FCRL3: variants seen among roughly 807,000 people sequenced by gnomAD.
FCRL3 encodes Fc receptor like 3.
Under a neutral mutation model 75.0 loss-of-function variants are expected in FCRL3, and 89 were observed. The ratio of observed to expected loss-of-function variants is 1.19; its 90% CI spans 1.00 to 1.42. The LOEUF (loss-of-function observed/expected upper bound fraction) is 1.42, where lower values mean the gene tolerates loss of function less well. Ranked by LOEUF, FCRL3 falls within the 40% of genes most tolerant of loss-of-function variation. The pLI is 0.00. For synonymous variants in FCRL3, 376 were observed against 348.5 expected, an observed-to-expected ratio of 1.08 and a Z score of -0.88; for missense variants, 946 against 880.0, an observed-to-expected ratio of 1.07 and a Z score of -0.95.
chr1:157,695,491 A>G lies in FCRL3; in HGVS notation c.1249T>C (p.Phe417Leu). Residue 417 changes from phenylalanine to leucine, a missense_variant, in exon 8 of 15, where the codon TTT (phenylalanine) becomes CTT (leucine). Transcript: ENST00000368184. Reference sequence around the variant, plus strand: ...CCCAGGGTGACATCCTCATGATAAAATCGGTACAGGATCGGGGGAGAGCCT... The same window carrying G: ...CCCAGGGTGACATCCTCATGATAAAGTCGGTACAGGATCGGGGGAGAGCCT... ...LRGSPPILYR[F>L]YHEDVTLGNS... 6 of 1,614,150 alleles carry G rather than the reference A, an allele frequency of 3.7e-6. No individual in the cohort carries two copies. Among genetic ancestry groups the G allele is most frequent in the Non-Finnish European group, 5.1e-6 (6 of 1,179,994 alleles).
rs1287176294 is a variant in FCRL3 at position 157,681,074 on chromosome 1, G to C, written c.1864C>G (p.Pro622Ala). ...ATCCTGGAAGGCCTGGACGAGGAAG[G>C]CTCCTGACACTCACTAGGACTGTGA... ...SSHSPSECQE[P>A]SSSRPSRIDP... Residue 622 changes from proline (P) to alanine (A), a missense_variant, in exon 12 of 15, where the codon CCT (proline) becomes GCT (alanine). Coordinates refer to ENST00000368184, the MANE Select transcript of FCRL3 (RefSeq NM_052939.4). 1.9e-5 allele frequency: 30 copies of C among 1,599,436 alleles called. No homozygotes were observed. Among genetic ancestry groups the C allele is most frequent in the Non-Finnish European group, 2.5e-5 (29 of 1,175,282 alleles).
In FCRL3 at chr1:157,690,262, A is replaced by G. The variant is rs768603980; in HGVS notation, c.1683T>C (p.Asn561=). The change falls in exon 9 of 15, where the codon AAT becomes AAC. Residue 561 remains asparagine (N), a synonymous_variant. Transcript: ENST00000368184. ...CAGGTACTATTAACACACCTGTAAC[A>G]TTGAGTGTCACCACTTTACTGTGCT... ...GAQHSKVVTL[N]VTGTSRNRTG... is the part of the protein sequence containing the mutation. 2 of 1,614,204 alleles carry G rather than the reference A, an allele frequency of 1.2e-6. No homozygotes were observed. The highest frequency in any genetic ancestry group is 1.7e-6 in the Non-Finnish European group (2 of 1,180,020).
rs1656255680 is a variant in FCRL3 at position 157,700,564 on chromosome 1, G to A, written c.-75C>T. The stretch of plus-strand genomic sequence containing the variant: ...GACTTATCTCCAAGAAGGAGGGCAG[G>A]AAGCTGCTACTCAGATGAGACCTGC... On this transcript the variant is annotated 5_prime_UTR_variant, in exon 2 of 15. Transcript: ENST00000368184. 8 of 1,612,298 alleles carry A rather than the reference G, an allele frequency of 5.0e-6. No homozygotes were observed. Among genetic ancestry groups the A allele is most frequent in the Non-Finnish European group, 6.8e-6 (8 of 1,179,190 alleles).
At chr1:157,695,643 C>G in intron 7 of FCRL3, 36 bp from the exon 8 acceptor site, 1 of 1,559,116 alleles carries the variant, frequency 6.4e-7, no homozygotes, top group Non-Finnish European at 8.7e-7. Context: ...AGGATTCTGA[C>G]GTTGTGACAG....
At chr1:157,688,350 A>T (rs1655304684) in intron 10 of FCRL3, among the ~76,000 whole-genome samples, 1 of 152,160 alleles carries the variant, frequency 6.6e-6, no homozygotes, top group African/African-American at 2.4e-5. Flanking sequence ...GGGTCATTTC[A>T]TAAGGATAAA....
Position 157,698,368 on chromosome 1 carries a change from C to G in FCRL3, c.298+16G>C. On this transcript the variant is annotated intron_variant, in intron 4 of 14. Coordinates refer to ENST00000368184, the MANE Select transcript of FCRL3 (RefSeq NM_052939.4). ...CCTGGTGGCTTGACTTTAGACACTC[C>G]CCTTCCATTCCTCACCAGGTGAAAA... 5 of 1,613,868 alleles carry G rather than the reference C, an allele frequency of 3.1e-6. No individual in the cohort carries two copies. Among genetic ancestry groups the G allele is most frequent in the Non-Finnish European group, 4.2e-6 (5 of 1,179,890 alleles).
intron 2 of FCRL3, 97 bp downstream of exon 2, chr1:157,700,362 G>T: frequency 6.3e-7 from 1 of 1,582,548 alleles, no homozygotes; most frequent in South Asian, 1.1e-5. Context: ...ATCTGTCTCT[G>T]AACCCCAAGT....
At chr1:157,695,830 G>A (rs1655854514) in intron 7 of FCRL3, 2 of 703,724 alleles carry the variant, frequency 2.8e-6, no homozygotes, top group African/African-American at 1.8e-5. Flanking sequence ...CCCGCAAGAA[G>A]TAAGGTGCTT....
At chr1:157,691,948 A>G (rs1228221913) in intron 8 of FCRL3, 1 of 152,230 alleles carries the variant, frequency 6.6e-6, no homozygotes, top group Admixed American at 6.5e-5. Flanking sequence ...GAGAACATTT[A>G]AGAGTATTTC....
chr1:157,695,256 C>G, intron 8 of FCRL3, 73 bp downstream of exon 8: 2 of 1,455,846 alleles, frequency 1.4e-6, no homozygotes, highest in Non-Finnish European at 1.9e-6. Flanking sequence ...AGCAAATAGC[C>G]CAGTGGAGCT....
In FCRL3 at chr1:157,697,284, T is replaced by G. The variant is rs1167058349; in HGVS notation, c.700A>C (p.Thr234Pro). The G allele has an allele frequency of 6.2e-7, 1 of 1,612,174 alleles. No individual in the cohort carries two copies. Among genetic ancestry groups the G allele is most frequent in the African/African-American group, 1.3e-5 (1 of 74,848 alleles). Residue 234 changes from threonine (T) to proline (P), a missense_variant, in exon 6 of 15, where the codon ACC becomes CCC. By Grantham distance (38) the Thr-to-Pro change is conservative. Coordinates refer to ENST00000368184, the MANE Select transcript of FCRL3 (RefSeq NM_052939.4). ...LQFSLFRDSQ[T>P]LGLGWSRSPR... ...GACCTGCTCCAGCCCAATCCGAGGG[T>G]CTGGCTATCTCTGAAGAGGGAGAAT...
At chr1:157,681,191 G>T (rs1338557824) in intron 11 of FCRL3, 92 bp from the exon 12 acceptor site, 3 of 757,340 alleles carry the variant, frequency 4.0e-6, no homozygotes, top group South Asian at 3.9e-5. Context: ...CTCCAGTCCA[G>T]CATGATTCAA....
At chr1:157,679,977 T>C (rs1654735183) in intron 13 of FCRL3, among the ~76,000 whole-genome samples, 1 of 151,806 alleles carries the variant, frequency 6.6e-6, no homozygotes, top group Non-Finnish European at 1.5e-5. Flanking sequence ...TATTGAACTA[T>C]GTTGTTACCA....
In FCRL3 at chr1:157,678,651, G is replaced by T; in HGVS notation, c.*59C>A. On this transcript the variant is annotated 3_prime_UTR_variant, in exon 15 of 15. Transcript: ENST00000368184. ...TGGAGAGATGGATGATGTGTGGTTG[G>T]AGAGAACAGAAAAAAAAATGGTGCA... The T allele has an allele frequency of 6.2e-7, 1 of 1,602,394 alleles. No individual in the cohort carries two copies. Among genetic ancestry groups the T allele is most frequent in the Non-Finnish European group, 8.5e-7 (1 of 1,177,626 alleles).
In FCRL3 at chr1:157,690,270, T is replaced by A. The variant is rs749354175; in HGVS notation, c.1675A>T (p.Thr559Ser). Residue 559 changes from threonine to serine, a missense_variant, in exon 9 of 15, where the codon ACA becomes TCA. Physicochemically the swap from Thr to Ser is moderately conservative, Grantham distance 58 (BLOSUM62 1). Transcript: ENST00000368184. The part of the protein sequence containing the change: ...GLGAQHSKVV[T>S]LNVTGTSRNR... ...ATTAACACACCTGTAACATTGAGTG[T>A]CACCACTTTACTGTGCTGGGCCCCC... 8.1e-6 allele frequency: 13 copies of A among 1,614,238 alleles called. No homozygotes were observed. The highest frequency in any genetic ancestry group is 1.1e-5 in the Non-Finnish European group (13 of 1,180,032).
chr1:157,686,592 C>T (rs1400138984), intron 10 of FCRL3, among the ~76,000 whole-genome samples: 7 of 152,060 alleles, frequency 4.6e-5, no homozygotes, highest in Non-Finnish European at 7.4e-5. Context: ...AAAACAGACA[C>T]ATAGACCAAC....
intron 8 of FCRL3, among the ~76,000 whole-genome samples, chr1:157,693,647 C>A (rs1655699744): frequency 6.6e-6 from 1 of 152,112 alleles, no homozygotes; most frequent in Non-Finnish European, 1.5e-5. Flanking sequence ...TATTCTAAAT[C>A]AAAGATTTTA....
At chr1:157,680,888 T>TA in intron 12 of FCRL3, 93 bp downstream of exon 12, 1 of 1,449,278 alleles carries the variant, frequency 6.9e-7, no homozygotes, top group Non-Finnish European at 9.5e-7. Context: ...GAATGTCATT[T>TA]TTAAATTTGT....
intron 10 of FCRL3, 150 bp downstream of exon 10, chr1:157,689,648 C>T: frequency 1.0e-6 from 1 of 991,696 alleles, no homozygotes; most frequent in Non-Finnish European, 1.4e-6. Context: ...ATTGTTTTTG[C>T]TACAATTGCC....
Sources: allele counts gnomAD v4.1 joint callset (sites outside exome capture counted in the v4.1 genomes callset), GRCh38; gene constraint gnomAD v4.1.1; transcripts MANE v1.5; gene names NCBI Gene and HGNC (gene_info 2026-07-23, HGNC 2026-07-21).